The following PDZRN4 variants were observed in gnomAD, a reference collection of about 807,000 sequenced individuals.
PDZRN4 encodes the protein PDZ domain-containing RING finger protein 4.
PDZRN4 carries 70 observed loss-of-function variants against 99.0 expected under a neutral mutation model. That is an observed-to-expected ratio of 0.71 (90% confidence interval 0.58 to 0.86). The LOEUF is 0.86. Among genes scored for constraint, PDZRN4 ranks in the 40% least tolerant of loss-of-function variants. The pLI is 0.00. For synonymous variants in PDZRN4, 551 were observed against 501.6 expected, an observed-to-expected ratio of 1.10 and a Z score of -1.32; for missense variants, 1,474 against 1,331.2, an observed-to-expected ratio of 1.11 and a Z score of -1.67.
At chr12:41,272,870 G>T (rs2120864858) in intron 3 of PDZRN4, among the ~76,000 whole-genome samples, 1 of 152,124 alleles carries the variant, frequency 6.6e-6, no homozygotes, top group Non-Finnish European at 1.5e-5. Context: ...TGGTTAAGTT[G>T]CTGTCCAGGT....
At chr12:41,456,847 T>G (rs1952820526) in intron 3 of PDZRN4, among the ~76,000 whole-genome samples, 1 of 152,158 alleles carries the variant, frequency 6.6e-6, no homozygotes, top group African/African-American at 2.4e-5. Flanking sequence ...AAAGTTAAAA[T>G]AGGAGACTGA....
At chr12:41,566,607 A>G (rs1939376962) in intron 8 of PDZRN4, among the ~76,000 whole-genome samples, 1 of 152,190 alleles carries the variant, frequency 6.6e-6, no homozygotes, top group Non-Finnish European at 1.5e-5. Flanking sequence ...ATGGCCTTTA[A>G]TAGATATCAT....
intron 3 of PDZRN4, among the ~76,000 whole-genome samples, chr12:41,505,412 T>G (rs1329247895): frequency 2.6e-5 from 4 of 152,142 alleles, no homozygotes; most frequent in African/African-American, 9.7e-5. Flanking sequence ...AGTCCTTTAT[T>G]AAAACACAAC....
intron 5 of PDZRN4, among the ~76,000 whole-genome samples, chr12:41,536,540 A>G (rs1271053120): frequency 1.3e-5 from 2 of 152,186 alleles, no homozygotes; most frequent in African/African-American, 4.8e-5. Context: ...CACAGAATGT[A>G]CAATACCAAG....
rs1939500947 is a variant in PDZRN4, at chr12:41,572,562, C to G, written c.1783C>G (p.Leu595Val). Residue 595 changes from leucine (L) to valine (V), a missense_variant, in exon 10 of 10, where the codon CTG becomes GTG. By Grantham distance (32) the Leu-to-Val change is conservative. Transcript: ENST00000402685. ...AGACCTGGGGCAGAGCCAAGACACT[C>G]TGGGAAGTGTTGAACTTCAGTACAA... ...KRDLGQSQDT[L>V]GSVELQYNES... 2 of 1,614,000 alleles carry G rather than the reference C, an allele frequency of 1.2e-6. No individual in the cohort carries two copies. The highest frequency in any genetic ancestry group is 1.7e-5 in the Admixed American group (1 of 60,006).
chr12:41,513,141 T>G (rs1938338387), intron 5 of PDZRN4, among the ~76,000 whole-genome samples: 1 of 152,086 alleles, frequency 6.6e-6, no homozygotes, highest in Admixed American at 6.6e-5. Context: ...CAGATCTGAC[T>G]ATCTTGTAAA....
intron 2 of PDZRN4, among the ~76,000 whole-genome samples, chr12:41,192,931 G>A (rs922772490): frequency 6.6e-6 from 1 of 152,164 alleles, no homozygotes; most frequent in African/African-American, 2.4e-5. Context: ...GAAAAAGGTG[G>A]TTAAGTTTTA....
At chr12:41,289,653 G>T (rs573161228) in intron 3 of PDZRN4, among the ~76,000 whole-genome samples, 7 of 147,980 alleles carry the variant, frequency 4.7e-5, no homozygotes, top group Non-Finnish European at 8.9e-5. Context: ...GCAAGGCACG[G>T]CATGCTTTCA....
chr12:41,189,150 GA>G, intron 1 of PDZRN4, 47 bp downstream of exon 1: 1 of 1,533,582 alleles, frequency 6.5e-7, no homozygotes, highest in Non-Finnish European at 8.8e-7. Context: ...ATTGGGGTGG[GA>G]AAAGGAGCGG....
At chr12:41,455,136 T>C (rs1952807793) in intron 3 of PDZRN4, among the ~76,000 whole-genome samples, 1 of 152,250 alleles carries the variant, frequency 6.6e-6, no homozygotes, top group African/African-American at 2.4e-5. Flanking sequence ...TATCCTAACA[T>C]TTAAAAATTC....
intron 3 of PDZRN4, among the ~76,000 whole-genome samples, chr12:41,361,532 G>A (rs1000510826): frequency 6.6e-6 from 1 of 151,950 alleles, no homozygotes; most frequent in Non-Finnish European, 1.5e-5. Context: ...GAACATTGTG[G>A]AACTAAAACA....
chr12:41,388,016 C>A (rs1952184146), intron 3 of PDZRN4, among the ~76,000 whole-genome samples: 1 of 152,120 alleles, frequency 6.6e-6, no homozygotes, highest in Admixed American at 6.5e-5. Flanking sequence ...ATACATGGAA[C>A]AAACTTAATT....
chr12:41,199,574 C>G (rs543830059), intron 3 of PDZRN4, among the ~76,000 whole-genome samples: 1 of 152,106 alleles, frequency 6.6e-6, no homozygotes, highest in Non-Finnish European at 1.5e-5. Context: ...TATTGCAGCA[C>G]CATTCACAAT....
At chr12:41,438,787 T>G (rs763822638) in intron 3 of PDZRN4, among the ~76,000 whole-genome samples, 2 of 152,244 alleles carry the variant, frequency 1.3e-5, no homozygotes, top group Non-Finnish European at 2.9e-5. Flanking sequence ...CTTAACTTAC[T>G]GTTTTATTGG....
At chr12:41,407,081 G>A (rs897384413) in intron 3 of PDZRN4, among the ~76,000 whole-genome samples, 2 of 152,052 alleles carry the variant, frequency 1.3e-5, no homozygotes, top group African/African-American at 2.4e-5. Flanking sequence ...AGAACTTATA[G>A]TCCCCATGGA....
At chr12:41,367,974 G>C (rs2121073422) in intron 3 of PDZRN4, among the ~76,000 whole-genome samples, 1 of 152,160 alleles carries the variant, frequency 6.6e-6, no homozygotes, top group South Asian at 2.1e-4. Context: ...ATGCACCATA[G>C]TACAGAGTAG....
At chr12:41,421,414 A>G (rs1487553879) in intron 3 of PDZRN4, among the ~76,000 whole-genome samples, 1 of 152,020 alleles carries the variant, frequency 6.6e-6, no homozygotes, top group Non-Finnish European at 1.5e-5. Context: ...GCTGGTCTCA[A>G]ACTCCTGACC....
At chr12:41,359,992 C>A (rs1167015862) in intron 3 of PDZRN4, among the ~76,000 whole-genome samples, 2 of 151,960 alleles carry the variant, frequency 1.3e-5, no homozygotes, top group Admixed American at 6.6e-5. Flanking sequence ...CATATGCCTG[C>A]ACACTCTTCC....
At chr12:41,196,456 G>A (rs927694339) in intron 3 of PDZRN4, among the ~76,000 whole-genome samples, 1 of 152,060 alleles carries the variant, frequency 6.6e-6, no homozygotes, top group African/African-American at 2.4e-5. Context: ...GTTAGATGAG[G>A]TGCATATTTC....
Sources: gnomAD v4.1 joint callset for allele counts (sites outside exome capture counted in the v4.1 genomes callset) on GRCh38, gnomAD v4.1.1 for gene constraint, MANE v1.5 for transcripts, NCBI Gene and HGNC (gene_info 2026-07-23, HGNC 2026-07-21) for gene names.